Variants in ATP10B observed in about 807,000 individuals in gnomAD.
The protein encoded by ATP10B is phospholipid-transporting ATPase VB.
A neutral mutation model predicts 141.2 loss-of-function variants in ATP10B; 122 were observed. The ratio of observed to expected loss-of-function variants is 0.86; its 90% CI spans 0.75 to 1.00. The LOEUF is 1.00. Ranked by LOEUF, ATP10B falls within the 50% of genes least tolerant of loss-of-function variation. ATP10B has a pLI of 0.00. For synonymous variants in ATP10B, 685 were observed against 692.0 expected, an observed-to-expected ratio of 0.99 and a Z score of 0.16; for missense variants, 1,876 against 1,825.3, an observed-to-expected ratio of 1.03 and a Z score of -0.51.
At chr5:160,809,041 C>T (rs1772970725) in intron 1 of ATP10B, among the ~76,000 whole-genome samples, 1 of 152,138 alleles carries the variant, frequency 6.6e-6, no homozygotes, top group African/African-American at 2.4e-5. Flanking sequence ...TACGTGTGTT[C>T]CTGTCTCTGT....
the ATP10B span, among the ~76,000 whole-genome samples, chr5:160,882,070 A>C: frequency 6.6e-6 from 1 of 152,162 alleles, no homozygotes; most frequent in African/African-American, 2.4e-5. Flanking sequence ...AGACAATAAA[A>C]TATCAGTGGT....
In ATP10B at chr5:160,602,653, T is replaced by C. The variant is rs1281591093; in HGVS notation, c.3287A>G (p.Lys1096Arg). The C allele has an allele frequency of 4.3e-6, 7 of 1,613,952 alleles. No homozygotes were observed. The highest frequency in any genetic ancestry group is 1.6e-4 in the Middle Eastern group (1 of 6,080). The change falls in exon 21 of 26, where the codon AAG becomes AGG. Residue 1096 changes from lysine (K) to arginine (R), a missense_variant. Lys to Arg is a conservative substitution (Grantham distance 26, BLOSUM62 2). Coordinates refer to ENST00000327245, the MANE Select transcript of ATP10B (RefSeq NM_025153.3). ...CCAGTGGCCATGCACGAGCAGCAAC[T>C]TCTTGAGATGCTTAAAGCGGGTGAT... ...FAITRFKHLKKLLLVHGHWCY... is the reference protein window; with the variant it reads ...FAITRFKHLKRLLLVHGHWCY...
chr5:160,911,295 T>A, the ATP10B span, among the ~76,000 whole-genome samples: 1 of 152,210 alleles, frequency 6.6e-6, no homozygotes, highest in African/African-American at 2.4e-5. Context: ...TCTAAAATCA[T>A]CATTCTTCCT....
intron 2 of ATP10B, among the ~76,000 whole-genome samples, chr5:160,755,671 C>T (rs1474536420): frequency 1.3e-5 from 2 of 148,588 alleles, no homozygotes; most frequent in Non-Finnish European, 3.0e-5. Flanking sequence ...AAAAATTAGC[C>T]GGGCATAGTG....
At chr5:160,748,180 C>T (rs1767935758) in intron 2 of ATP10B, among the ~76,000 whole-genome samples, 1 of 152,066 alleles carries the variant, frequency 6.6e-6, no homozygotes, top group South Asian at 2.1e-4. Flanking sequence ...GCTGCGAGAA[C>T]AATAAGCTTG....
chr5:160,777,482 T>C (rs974616351), intron 2 of ATP10B, among the ~76,000 whole-genome samples: 1 of 152,212 alleles, frequency 6.6e-6, no homozygotes, highest in Non-Finnish European at 1.5e-5. Context: ...ATTTCTCTAG[T>C]CTTCCAGCAA....
At chr5:160,780,852 T>G (rs2127880633) in intron 2 of ATP10B, among the ~76,000 whole-genome samples, 1 of 152,296 alleles carries the variant, frequency 6.6e-6, no homozygotes, top group Admixed American at 6.5e-5. Context: ...ATGTGTTATA[T>G]TTATCTAAAT....
Position 160,819,671 on chromosome 5 carries a change from A to G in ATP10B, c.-576+32270T>C, listed in dbSNP as rs542976183. On this transcript the variant is annotated intron_variant, in intron 1 of 25. Coordinates refer to ENST00000327245, the MANE Select transcript of ATP10B (RefSeq NM_025153.3). ...GATATAAATAGAAACAAAAAGTTAA[A>G]AAGCAGAGGGATGGAGTTAAAATGT... Among the ~76,000 whole-genome samples, 168 of 152,312 alleles carry G rather than the reference A, an allele frequency of 1.1e-3. 2 individuals carry two copies. The highest frequency in any genetic ancestry group is 3.9e-3 in the African/African-American group (162 of 41,584).
At chr5:160,567,189 G>A (rs1253302088) in intron 25 of ATP10B, among the ~76,000 whole-genome samples, 2 of 152,016 alleles carry the variant, frequency 1.3e-5, no homozygotes, top group African/African-American at 4.8e-5. Context: ...TCCCACAATG[G>A]GCCAGGTCCC....
chr5:160,825,621 T>C (rs1233034551), intron 1 of ATP10B, among the ~76,000 whole-genome samples: 1 of 152,220 alleles, frequency 6.6e-6, no homozygotes, highest in Non-Finnish European at 1.5e-5. Context: ...ATTTCACCAA[T>C]GCCATTTAAT....
At chr5:160,878,752 A>G in the ATP10B span, among the ~76,000 whole-genome samples, 1 of 152,228 alleles carries the variant, frequency 6.6e-6, no homozygotes, top group Non-Finnish European at 1.5e-5. Context: ...TCTCAAAACA[A>G]GACATTTATG....
chr5:160,655,959 C>T (rs550778335), intron 7 of ATP10B, among the ~76,000 whole-genome samples: 5 of 152,188 alleles, frequency 3.3e-5, no homozygotes, highest in East Asian at 3.9e-4. Flanking sequence ...GGTGCCAGGG[C>T]GTAATCACTC....
At position 160,825,880 on chromosome 5, in the gene ATP10B, C is replaced by T. The variant is rs114132332; in HGVS notation, c.-576+26061G>A. Among the ~76,000 whole-genome samples, 837 of 152,308 alleles carry T rather than the reference C, an allele frequency of 5.5e-3. 9 individuals carry two copies. Among genetic ancestry groups the T allele is most frequent in the African/African-American group, 0.019 (797 of 41,556 alleles). ...ATGTCCATGTGCACTCAATGTTTAG[C>T]TCCAATTTATAAGTGAGAACGTGCA... On this transcript the variant is annotated intron_variant, in intron 1 of 25. Coordinates refer to ENST00000327245, the MANE Select transcript of ATP10B (RefSeq NM_025153.3).
At chr5:160,743,380 C>T (rs544299858) in intron 2 of ATP10B, among the ~76,000 whole-genome samples, 1 of 152,244 alleles carries the variant, frequency 6.6e-6, no homozygotes, top group African/African-American at 2.4e-5. Context: ...TAAATCATGC[C>T]TCTTGAGAAG....
intron 9 of ATP10B, among the ~76,000 whole-genome samples, chr5:160,643,530 A>C (rs1760035570): frequency 6.6e-6 from 1 of 152,210 alleles, no homozygotes. Context: ...TTCCATTGTG[A>C]GAAGCGCTGC....
At chr5:160,926,195 A>G in the ATP10B span, among the ~76,000 whole-genome samples, 46 of 152,350 alleles carry the variant, frequency 3.0e-4, no homozygotes, top group African/African-American at 1.1e-3. Flanking sequence ...AAGACTCTTA[A>G]GACTTAGTAA....
At chr5:160,919,442 C>A in the ATP10B span, among the ~76,000 whole-genome samples, 15 of 152,046 alleles carry the variant, frequency 9.9e-5, no homozygotes, top group Non-Finnish European at 2.9e-5. Flanking sequence ...GAAGGACAAC[C>A]CAATAATCAA....
the ATP10B span, among the ~76,000 whole-genome samples, chr5:160,922,809 G>A: frequency 6.6e-6 from 1 of 152,168 alleles, no homozygotes; most frequent in African/African-American, 2.4e-5. Context: ...GAAGATCCTT[G>A]CACTCTCGGG....
intron 2 of ATP10B, among the ~76,000 whole-genome samples, chr5:160,768,854 C>G (rs1769673821): frequency 6.6e-6 from 1 of 152,166 alleles, no homozygotes; most frequent in South Asian, 2.1e-4. Context: ...TGAGAACACA[C>G]AGTATGTTGG....
Sources: gnomAD v4.1 joint callset for allele counts (sites outside exome capture counted in the v4.1 genomes callset) on GRCh38, gnomAD v4.1.1 for gene constraint, MANE v1.5 for transcripts, NCBI Gene and HGNC (gene_info 2026-07-23, HGNC 2026-07-21) for gene names.